The following KLHL29 variants were observed in gnomAD, a reference collection of about 807,000 sequenced individuals.
The protein encoded by KLHL29 is kelch like family member 29, also known as kelch-like protein 29.
In KLHL29, 21 loss-of-function variants were observed where a neutral mutation model predicts 80.4. The ratio of observed to expected loss-of-function variants is 0.26; its 90% CI spans 0.19 to 0.38. The LOEUF (loss-of-function observed/expected upper bound fraction) is 0.38, where lower values mean the gene tolerates loss of function less well. Among genes scored for constraint, KLHL29 ranks in the 10% least tolerant of loss-of-function variants. The probability of loss-of-function intolerance (pLI) is 1.00; values close to 1 mark genes in which losing one functional copy is unlikely to be tolerated. For missense variants in KLHL29, 867 were observed against 1,223.9 expected (o/e 0.71, Z 4.35); for synonymous variants, 511 against 526.8 (o/e 0.97, Z 0.41).
At chr2:23,670,819 C>T (rs1248859095) in intron 5 of KLHL29, among the ~76,000 whole-genome samples, 1 of 151,320 alleles carries the variant, frequency 6.6e-6, no homozygotes, top group Admixed American at 6.6e-5. Flanking sequence ...GCCCAGAGAA[C>T]CAGGGGCAGA....
chr2:23,405,432 G>A (rs1022881038), intron 1 of KLHL29, among the ~76,000 whole-genome samples: 2 of 152,220 alleles, frequency 1.3e-5, no homozygotes, highest in Non-Finnish European at 2.9e-5. Flanking sequence ...TAGGAAAGAT[G>A]TAATCCCTGA....
intron 2 of KLHL29, among the ~76,000 whole-genome samples, chr2:23,545,951 G>A (rs1295562277): frequency 6.6e-6 from 1 of 152,218 alleles, no homozygotes. Flanking sequence ...GTGGGTGTCA[G>A]CCCTGCTCTG....
At chr2:23,660,891 C>G (rs1419055900) in intron 5 of KLHL29, among the ~76,000 whole-genome samples, 1 of 152,010 alleles carries the variant, frequency 6.6e-6, no homozygotes, top group Non-Finnish European at 1.5e-5. Flanking sequence ...GTCAGCCAGG[C>G]GTGGTGGCAG....
intron 3 of KLHL29, among the ~76,000 whole-genome samples, chr2:23,609,347 G>C (rs573510696): frequency 6.6e-6 from 1 of 152,248 alleles, no homozygotes; most frequent in East Asian, 1.9e-4. Context: ...GAGACGCCTG[G>C]TGAAGAGTTG....
chr2:23,578,000 G>T (rs1667886583), intron 3 of KLHL29, among the ~76,000 whole-genome samples: 1 of 152,134 alleles, frequency 6.6e-6, no homozygotes. Context: ...GGCCGACCTC[G>T]TGGGCCATTC....
At chr2:23,686,287 C>G (rs1671254730) in intron 6 of KLHL29, among the ~76,000 whole-genome samples, 1 of 151,936 alleles carries the variant, frequency 6.6e-6, no homozygotes, top group Admixed American at 6.6e-5. Flanking sequence ...GGAAGGAGAA[C>G]AGTAGGATGT....
At chr2:23,453,259 C>T (rs1663942148) in intron 1 of KLHL29, among the ~76,000 whole-genome samples, 1 of 152,206 alleles carries the variant, frequency 6.6e-6, no homozygotes, top group African/African-American at 2.4e-5. Context: ...GATGTAACCA[C>T]ACCGTAGCTC....
chr2:23,567,789 A>T (rs1195086835), intron 3 of KLHL29, among the ~76,000 whole-genome samples: 1 of 152,218 alleles, frequency 6.6e-6, no homozygotes, highest in Non-Finnish European at 1.5e-5. Flanking sequence ...CAGTTGGGAG[A>T]ATCATTCAAG....
At chr2:23,601,320 G>A (rs552859690) in intron 3 of KLHL29, among the ~76,000 whole-genome samples, 14 of 152,312 alleles carry the variant, frequency 9.2e-5, no homozygotes, top group East Asian at 1.9e-4. Context: ...GGAGTAAAGC[G>A]TCCTTGGTAG....
chr2:23,528,966 C>A (rs1196329741), intron 2 of KLHL29, among the ~76,000 whole-genome samples: 2 of 152,198 alleles, frequency 1.3e-5, no homozygotes, highest in African/African-American at 4.8e-5. Flanking sequence ...GGACTCAGAA[C>A]TTCTGCTGAA....
At chr2:23,601,763 AC>A (rs1668577667) in intron 3 of KLHL29, among the ~76,000 whole-genome samples, 1 of 152,142 alleles carries the variant, frequency 6.6e-6, no homozygotes, top group Non-Finnish European at 1.5e-5. Context: ...AGGCTAGCCC[AC>A]CACACTGACT....
chr2:23,420,855 C>T (rs747533909), intron 1 of KLHL29, among the ~76,000 whole-genome samples: 6 of 152,124 alleles, frequency 3.9e-5, no homozygotes, highest in Admixed American at 1.3e-4. Flanking sequence ...CATCTTTCCG[C>T]CACCCCCCCA....
chr2:23,690,851 A>G (rs1671549394), intron 6 of KLHL29: 6 of 152,286 alleles, frequency 3.9e-5, no homozygotes, highest in African/African-American at 7.2e-5. Flanking sequence ...AGATATAAAC[A>G]GATTTATATA....
At chr2:23,474,040 T>G (rs1664565766) in intron 1 of KLHL29, among the ~76,000 whole-genome samples, 1 of 152,124 alleles carries the variant, frequency 6.6e-6, no homozygotes, top group Non-Finnish European at 1.5e-5. Context: ...CCCGACAACA[T>G]GCACCCTACC....
At chr2:23,610,339 A>G (rs1024532689) in intron 3 of KLHL29, among the ~76,000 whole-genome samples, 4 of 152,146 alleles carry the variant, frequency 2.6e-5, no homozygotes, top group Admixed American at 2.6e-4. Flanking sequence ...CCAGCTCCCT[A>G]TCTTGTCACT....
chr2:23,518,277 C>T (rs539735223), intron 2 of KLHL29, among the ~76,000 whole-genome samples: 1 of 152,306 alleles, frequency 6.6e-6, no homozygotes, highest in South Asian at 2.1e-4. Flanking sequence ...GCAGTTTTCA[C>T]TGTGACCTGT....
intron 1 of KLHL29, among the ~76,000 whole-genome samples, chr2:23,402,929 T>C (rs1666629843): frequency 6.6e-6 from 1 of 150,498 alleles, no homozygotes; most frequent in South Asian, 2.1e-4. Context: ...ATATCTTATA[T>C]ATCATATATA....
At chr2:23,698,179 G>T (rs1403800018) in intron 11 of KLHL29, among the ~76,000 whole-genome samples, 5 of 152,218 alleles carry the variant, frequency 3.3e-5, no homozygotes, top group Admixed American at 6.5e-5. Context: ...AGTTCAGCAT[G>T]GGCACAGTGT....
intron 1 of KLHL29, among the ~76,000 whole-genome samples, chr2:23,398,728 C>A (rs1666515699): frequency 1.3e-5 from 2 of 152,200 alleles, no homozygotes; most frequent in South Asian, 2.1e-4. Context: ...ATGCTCTGAA[C>A]TTTCATGCTT....
Sources: gnomAD v4.1 joint callset for allele counts (sites outside exome capture counted in the v4.1 genomes callset) on GRCh38, gnomAD v4.1.1 for gene constraint, MANE v1.5 for transcripts, NCBI Gene and HGNC (gene_info 2026-07-23, HGNC 2026-07-21) for gene names.